Variants in FAM20C observed in about 807,000 individuals in gnomAD.
The protein encoded by FAM20C is extracellular serine/threonine protein kinase FAM20C.
FAM20C carries 40 observed loss-of-function variants against 51.5 expected under a neutral mutation model. The observed-to-expected ratio is 0.78, with a 90% CI of 0.60 to 1.01. The LOEUF is 1.01. Ranked by LOEUF, FAM20C falls within the 50% of genes least tolerant of loss-of-function variation. The pLI is 0.00. For missense variants in FAM20C, 861 were observed against 844.7 expected, an observed-to-expected ratio of 1.02 and a Z score of -0.24; for synonymous variants, 406 against 380.6, an observed-to-expected ratio of 1.07 and a Z score of -0.78.
chr7:257,930 G>GA (rs1788672773), intron 8 of FAM20C, among the ~76,000 whole-genome samples: 1 of 136,174 alleles, frequency 7.3e-6, no homozygotes, highest in East Asian at 2.2e-4. Flanking sequence ...ACTGCCTGGG[G>GA]TGCTGGAGAT....
intron 2 of FAM20C, among the ~76,000 whole-genome samples, chr7:197,895 C>T (rs1166030099): frequency 6.6e-6 from 1 of 152,234 alleles, no homozygotes; most frequent in Non-Finnish European, 1.5e-5. Context: ...ACAAGCTAGG[C>T]TTGGCTCACT....
chr7:247,289 A>C (rs142629332), intron 4 of FAM20C, among the ~76,000 whole-genome samples: 28,746 of 152,040 alleles, frequency 0.19, 2,827 homozygotes, highest in African/African-American at 0.22. Context: ...AAGGGCAGTA[A>C]ACGGGCCTGG....
chr7:215,230 GGGGGGGGAGCAGGGCCCC>G (rs1786904687), intron 3 of FAM20C, among the ~76,000 whole-genome samples: 2 of 48,112 alleles, frequency 4.2e-5, no homozygotes, highest in Admixed American at 1.7e-4. Flanking sequence ...GCTCCAGCTG[GGGGGGGGAGCAGGGCCCC>G]TGGTGTATGG....
Position 246,410 on chromosome 7 carries a change from C to G in FAM20C, c.864-5C>G. 2 of 1,386,978 alleles carry G rather than the reference C, an allele frequency of 1.4e-6. No homozygotes were observed. The highest frequency in any genetic ancestry group is 1.2e-5 in the South Asian group (1 of 81,276). The allele number at this position is 1,386,978 out of a possible 1,614,324, so 85.9% of individuals were successfully genotyped here. The stretch of plus-strand genomic sequence containing the variant: ...ACCGTTTCTGTTTCTGTCTTGTTTT[C>G]TCAGACAAACGAGGGAGCAGGAGAC... On this transcript the variant is annotated splice_polypyrimidine_tract_variant and splice_region_variant and intron_variant, in intron 3 of 9. Transcript: ENST00000313766.
intron 6 of FAM20C, 88 bp downstream of exon 6, chr7:256,117 G>T: frequency 6.9e-7 from 1 of 1,455,664 alleles, no homozygotes; most frequent in Non-Finnish European, 9.1e-7. Context: ...CGGCGCCCAC[G>T]GGGGTGGCAG....
intron 9 of FAM20C, 76 bp from the exon 10 acceptor site, chr7:259,655 C>G: frequency 1.5e-6 from 2 of 1,372,074 alleles, no homozygotes; most frequent in Admixed American, 2.6e-5. Flanking sequence ...CGATCTCCCT[C>G]TCACTTTCTC....
At chr7:212,614 G>A (rs112800979) in intron 3 of FAM20C, among the ~76,000 whole-genome samples, 9 of 151,962 alleles carry the variant, frequency 5.9e-5, no homozygotes, top group African/African-American at 1.9e-4. Context: ...AGGGGCCGGC[G>A]GTGAGGTGGG....
intron 3 of FAM20C, among the ~76,000 whole-genome samples, chr7:214,137 C>A (rs1166101676): frequency 6.6e-6 from 1 of 152,134 alleles, no homozygotes; most frequent in Non-Finnish European, 1.5e-5. Context: ...ACCAGCCTGA[C>A]CCACATGGTG....
chr7:246,360 C>T, intron 3 of FAM20C, 55 bp from the exon 4 acceptor site: 2 of 1,420,342 alleles, frequency 1.4e-6, no homozygotes. Context: ...CTGCCTCCGG[C>T]CCCTGGAGGC....
intron 9 of FAM20C, among the ~76,000 whole-genome samples, chr7:259,356 G>A (rs990393124): frequency 3.3e-5 from 5 of 152,206 alleles, no homozygotes; most frequent in South Asian, 2.1e-4. Flanking sequence ...AGACCACGCC[G>A]AAGCAGGTCA....
chr7:229,358 C>T (rs758718693), intron 3 of FAM20C: 50 of 164,688 alleles, frequency 3.0e-4, no homozygotes, highest in Non-Finnish European at 6.5e-4. Flanking sequence ...GTGCCATTCT[C>T]ATTCCCAGTT....
intron 1 of FAM20C, 164 bp downstream of exon 1, chr7:193,968 TC>T: frequency 8.9e-7 from 1 of 1,119,312 alleles, no homozygotes; most frequent in Non-Finnish European, 1.2e-6. Context: ...TGCCTTTGTC[TC>T]CAGAATAACC....
chr7:229,225 C>T (rs573945660), intron 3 of FAM20C: 8 of 242,258 alleles, frequency 3.3e-5, no homozygotes, highest in East Asian at 2.8e-4. Flanking sequence ...TTTCCTTCCA[C>T]GTGCAATGAG....
chr7:230,468 C>T (rs914291731), intron 3 of FAM20C, among the ~76,000 whole-genome samples: 4 of 151,328 alleles, frequency 2.6e-5, no homozygotes, highest in East Asian at 1.9e-4. Context: ...TGTGTCCCGG[C>T]GTTCGGAACA....
At position 246,414 on chromosome 7, in the gene FAM20C, G is replaced by C; in HGVS notation, c.864-1G>C. On this transcript the variant is annotated splice_acceptor_variant, in intron 3 of 9. Transcript: ENST00000313766. LOFTEE classifies it high-confidence loss of function. The stretch of plus-strand genomic sequence containing the variant: ...TTTCTGTTTCTGTCTTGTTTTCTCA[G>C]ACAAACGAGGGAGCAGGAGACACCC... The C allele has an allele frequency of 1.4e-6, 2 of 1,381,116 alleles. No individual in the cohort carries two copies. Among genetic ancestry groups the C allele is most frequent in the Non-Finnish European group, 1.9e-6 (2 of 1,061,490 alleles). The allele number at this position is 1,381,116 out of a possible 1,614,324, so 85.6% of individuals were successfully genotyped here.
chr7:253,978 G>GT (rs1007794606), intron 5 of FAM20C, among the ~76,000 whole-genome samples: 1 of 152,228 alleles, frequency 6.6e-6, no homozygotes, highest in African/African-American at 2.4e-5. Flanking sequence ...CGACTAATCT[G>GT]TATCAGCACG....
At chr7:211,434 C>T (rs910350004) in intron 3 of FAM20C, among the ~76,000 whole-genome samples, 1 of 151,498 alleles carries the variant, frequency 6.6e-6, no homozygotes, top group African/African-American at 2.4e-5. Flanking sequence ...CAGGCCTCCC[C>T]AAACCTCCCC....
chr7:248,216 C>A, intron 4 of FAM20C, 99 bp from the exon 5 acceptor site: 2 of 844,042 alleles, frequency 2.4e-6, no homozygotes, highest in South Asian at 1.7e-5. Flanking sequence ...CCGCACAGAG[C>A]ACAGACCCTC....
Position 193,084 on chromosome 7 carries a change from A to C in FAM20C, c.-116A>C. 2 of 890,048 alleles carry C rather than the reference A, an allele frequency of 2.2e-6. No homozygotes were observed. Among genetic ancestry groups the C allele is most frequent in the Non-Finnish European group, 2.9e-6 (2 of 684,972 alleles). The allele number at this position is 890,048 out of a possible 1,614,324, so 55.1% of individuals were successfully genotyped here. ...GCCCGGGGACAGCCCCGGAGCTGGT[A>C]GCCGCCCGGCACCGATGGACCTTGA... On this transcript the variant is annotated 5_prime_UTR_variant, in exon 1 of 10. An upstream open reading frame in the 5' UTR loses its in-frame stop. Transcript: ENST00000313766.
Sources: gnomAD v4.1 joint callset for allele counts (sites outside exome capture counted in the v4.1 genomes callset) on GRCh38, gnomAD v4.1.1 for gene constraint, MANE v1.5 for transcripts, NCBI Gene and HGNC (gene_info 2026-07-23, HGNC 2026-07-21) for gene names.